The following ELMO1 variants were observed in gnomAD, a reference collection of about 807,000 sequenced individuals.
ELMO1 encodes engulfment and cell motility protein 1.
In ELMO1, 26 loss-of-function variants were observed where a neutral mutation model predicts 98.9. The ratio of observed to expected loss-of-function variants is 0.26; its 90% CI spans 0.19 to 0.36. The LOEUF (loss-of-function observed/expected upper bound fraction) is 0.36, where lower values mean the gene tolerates loss of function less well. Among genes scored for constraint, ELMO1 ranks in the 10% least tolerant of loss-of-function variants. The pLI, the probability that ELMO1 is intolerant of heterozygous loss-of-function variation, is 1.00. For synonymous variants in ELMO1, 346 were observed against 346.0 expected, an observed-to-expected ratio of 1.00 and a Z score of 0.00; for missense variants, 627 against 935.2, an observed-to-expected ratio of 0.67 and a Z score of 4.30.
At chr7:37,169,627 C>T (rs1790007076) in intron 13 of ELMO1, among the ~76,000 whole-genome samples, 1 of 152,216 alleles carries the variant, frequency 6.6e-6, no homozygotes, top group African/African-American at 2.4e-5. Flanking sequence ...TAAGACATTT[C>T]AAAATTTCAA....
chr7:36,956,360 T>C (rs1262617307), intron 16 of ELMO1, among the ~76,000 whole-genome samples: 1 of 152,218 alleles, frequency 6.6e-6, no homozygotes, highest in Non-Finnish European at 1.5e-5. Context: ...GAATCTATAA[T>C]TCCCTTCAAA....
At chr7:37,302,964 G>A (rs974656393) in intron 4 of ELMO1, among the ~76,000 whole-genome samples, 1 of 152,146 alleles carries the variant, frequency 6.6e-6, no homozygotes, top group Non-Finnish European at 1.5e-5. Context: ...TTCCTGGGTA[G>A]AGATAAGTTC....
At chr7:36,928,385 T>C (rs1220993120) in intron 16 of ELMO1, among the ~76,000 whole-genome samples, 1 of 152,224 alleles carries the variant, frequency 6.6e-6, no homozygotes, top group Non-Finnish European at 1.5e-5. Flanking sequence ...AATCATTTAG[T>C]GTAACCAGTC....
chr7:37,162,190 G>T (rs1301489615), intron 13 of ELMO1, among the ~76,000 whole-genome samples: 1 of 151,642 alleles, frequency 6.6e-6, no homozygotes, highest in African/African-American at 2.4e-5. Flanking sequence ...GCAAAAAGAG[G>T]CTCAAATCCT....
At chr7:37,201,643 C>T (rs755139827) in intron 13 of ELMO1, among the ~76,000 whole-genome samples, 1 of 151,978 alleles carries the variant, frequency 6.6e-6, no homozygotes, top group Admixed American at 6.6e-5. Context: ...GGCCTTTAAA[C>T]TTTAAACAAC....
chr7:37,087,692 C>T (rs1308757837), intron 15 of ELMO1, among the ~76,000 whole-genome samples: 4 of 152,120 alleles, frequency 2.6e-5, no homozygotes, highest in African/African-American at 9.7e-5. Context: ...GCTTTTGTAA[C>T]ATGTACTTTT....
chr7:37,265,594 A>C (rs1346002775), intron 5 of ELMO1, among the ~76,000 whole-genome samples: 1 of 151,974 alleles, frequency 6.6e-6, no homozygotes, highest in Non-Finnish European at 1.5e-5. Context: ...CCACCATGCT[A>C]TTAATACCTC....
chr7:37,357,524 A>G (rs549578118), intron 1 of ELMO1, among the ~76,000 whole-genome samples: 2 of 152,316 alleles, frequency 1.3e-5, no homozygotes, highest in East Asian at 3.9e-4. Flanking sequence ...GAACCTCAGA[A>G]TGTTTCTCAG....
chr7:36,940,684 A>T (rs1250385947), intron 16 of ELMO1, among the ~76,000 whole-genome samples: 1 of 152,246 alleles, frequency 6.6e-6, no homozygotes, highest in African/African-American at 2.4e-5. Flanking sequence ...TTAATTGACA[A>T]CTATTAGTAA....
intron 1 of ELMO1, among the ~76,000 whole-genome samples, chr7:37,434,728 C>G (rs1805076500): frequency 6.6e-6 from 1 of 152,216 alleles, no homozygotes; most frequent in Non-Finnish European, 1.5e-5. Context: ...CTCCCTGCCT[C>G]AGGCACTCTG....
intron 16 of ELMO1, among the ~76,000 whole-genome samples, chr7:36,973,896 G>A (rs532071564): frequency 3.9e-5 from 6 of 152,366 alleles, no homozygotes; most frequent in African/African-American, 1.4e-4. Flanking sequence ...AGCGGCTGCA[G>A]AGGGTGTACT....
chr7:37,398,690 G>A (rs1279714722), intron 1 of ELMO1, among the ~76,000 whole-genome samples: 1 of 152,144 alleles, frequency 6.6e-6, no homozygotes, highest in Non-Finnish European at 1.5e-5. Context: ...CTCATCCTAA[G>A]TTTTCTGCTG....
Position 37,166,119 on chromosome 7 carries a change from T to C in ELMO1, c.1087-32885A>G, listed in dbSNP as rs993978827. Reference sequence around the variant, plus strand: ...CATTTCTTCTAGATTTTCTAGATTATCTGCATAGAGGTGTTTGTAGTAATC... The same window carrying C: ...CATTTCTTCTAGATTTTCTAGATTACCTGCATAGAGGTGTTTGTAGTAATC... On this transcript the variant is annotated intron_variant, in intron 13 of 21. Coordinates refer to ENST00000310758, the MANE Select transcript of ELMO1 (RefSeq NM_014800.11). 6.6e-5 allele frequency among the ~76,000 whole-genome samples: 10 copies of C among 152,372 alleles called. 1 individual carries two copies. Among genetic ancestry groups the C allele is most frequent in the Admixed American group, 6.5e-4 (10 of 15,310 alleles).
intron 16 of ELMO1, among the ~76,000 whole-genome samples, chr7:36,911,997 G>A (rs1784377344): frequency 6.6e-6 from 1 of 152,214 alleles, no homozygotes; most frequent in Non-Finnish European, 1.5e-5. Flanking sequence ...AGTGATGACT[G>A]TTGGGTAAAC....
At position 37,233,164 on chromosome 7, in the gene ELMO1, C is replaced by T. The variant is rs35387639; in HGVS notation, c.480G>A (p.Thr160=). ...CATGGTCCATCAGCTCAACGAAGGC[C>T]GTCAGGGTGAAGGACAGCATGTCTC... is the stretch of plus-strand genomic sequence containing the variant. ...CFGDMLSFTL[T]AFVELMDHGI... is the part of the protein sequence containing the mutation. Residue 160 remains threonine (T), a synonymous_variant, in exon 8 of 22, where the codon ACG becomes ACA. Transcript: ENST00000310758. The T allele has an allele frequency of 0.039, 62,272 of 1,613,016 alleles. 1,325 individuals carry two copies. The highest frequency in any genetic ancestry group is 0.093 in the Middle Eastern group (564 of 6,054).
chr7:37,207,263 T>G (rs73108939), intron 13 of ELMO1, among the ~76,000 whole-genome samples: 182 of 152,308 alleles, frequency 1.2e-3, no homozygotes, highest in Middle Eastern at 3.4e-3. Flanking sequence ...AAAATAGCAT[T>G]ATCCCGGCAG....
intron 1 of ELMO1, among the ~76,000 whole-genome samples, chr7:37,423,238 G>T (rs1804556477): frequency 6.6e-6 from 1 of 152,168 alleles, no homozygotes; most frequent in Non-Finnish European, 1.5e-5. Context: ...ACATGATTAA[G>T]TCTGTGTCTC....
intron 15 of ELMO1, among the ~76,000 whole-genome samples, chr7:37,063,673 C>A (rs1321804646): frequency 6.6e-6 from 1 of 152,054 alleles, no homozygotes; most frequent in African/African-American, 2.4e-5. Context: ...CTTGTATGAC[C>A]CTTGGCCTCA....
chr7:37,339,216 C>T (rs1489802481), intron 2 of ELMO1, among the ~76,000 whole-genome samples: 1 of 152,150 alleles, frequency 6.6e-6, no homozygotes, highest in Non-Finnish European at 1.5e-5. Flanking sequence ...AGATGAAAAG[C>T]CCTGCCCCTG....
Sources: gnomAD v4.1 joint callset for allele counts (sites outside exome capture counted in the v4.1 genomes callset) on GRCh38, gnomAD v4.1.1 for gene constraint, MANE v1.5 for transcripts, NCBI Gene and HGNC (gene_info 2026-07-23, HGNC 2026-07-21) for gene names.